FBRSL1: variants seen among roughly 807,000 people sequenced by gnomAD.
The protein encoded by FBRSL1 is fibrosin like 1, also known as fibrosin-1-like protein.
Under a neutral mutation model 89.6 loss-of-function variants are expected in FBRSL1, and 51 were observed. That is an observed-to-expected ratio of 0.57 (90% CI 0.45 to 0.72). The LOEUF (loss-of-function observed/expected upper bound fraction) is 0.72. Among genes scored for constraint, FBRSL1 ranks in the 30% least tolerant of loss-of-function variants. The probability of loss-of-function intolerance (pLI) is 0.00; values close to 1 mark genes in which losing one functional copy is unlikely to be tolerated. For missense variants in FBRSL1, 1,618 were observed against 1,451.8 expected (o/e 1.11, Z -1.86); for synonymous variants, 779 against 681.1 (o/e 1.14, Z -2.24).
rs1426715637 is a variant in FBRSL1, at chr12:132,490,739, G to T, written c.169G>T (p.Ala57Ser). 7.0e-6 allele frequency: 7 copies of T among 1,005,940 alleles called. No homozygotes were observed. Among genetic ancestry groups the T allele is most frequent in the African/African-American group, 3.5e-5 (2 of 56,934 alleles). The allele number at this position is 1,005,940 out of a possible 1,614,324, so 62.3% of individuals were successfully genotyped here. A position where few individuals can be genotyped will look rare whatever the true frequency, so the allele number is the denominator to read the frequency against. The change falls in exon 1 of 19, where the codon GCC becomes TCC. Residue 57 changes from alanine to serine, a missense_variant. Transcript: ENST00000680143. Reference sequence around the variant, plus strand: ...CCTCCGCGGCGCGCCCCCCCGAGGCGCCGCCCCCGCGCCCCGCACCGCGCG... The same window carrying T: ...CCTCCGCGGCGCGCCCCCCCGAGGCTCCGCCCCCGCGCCCCGCACCGCGCG... ...AGLRGAPPRGAAPAPRTARPP... is the reference protein window; with the variant it reads ...AGLRGAPPRGSAPAPRTARPP...
At chr12:132,509,353 G>T (rs566976915) in intron 2 of FBRSL1, 3 of 1,245,878 alleles carry the variant, frequency 2.4e-6, no homozygotes, top group Non-Finnish European at 3.0e-6. Flanking sequence ...GGTCAGCGCA[G>T]CTGGCCCCAG....
chr12:132,522,813 G>A (rs1217657595), intron 2 of FBRSL1, among the ~76,000 whole-genome samples: 1 of 152,248 alleles, frequency 6.6e-6, no homozygotes, highest in Non-Finnish European at 1.5e-5. Flanking sequence ...GGTGCCGTCA[G>A]TGAGCTGTGT....
intron 4 of FBRSL1, among the ~76,000 whole-genome samples, chr12:132,535,493 G>A (rs1310974577): frequency 1.3e-5 from 2 of 152,264 alleles, no homozygotes; most frequent in Non-Finnish European, 1.5e-5. Context: ...GTGCTGGTTG[G>A]GTGTGAAGAG....
At chr12:132,509,392 G>T in intron 2 of FBRSL1, 2 of 1,241,766 alleles carry the variant, frequency 1.6e-6, no homozygotes, top group Non-Finnish European at 2.0e-6. Flanking sequence ...AAACAGCCCT[G>T]CCAGCCCCGG....
chr12:132,568,647 T>C (rs2039799158), intron 6 of FBRSL1, among the ~76,000 whole-genome samples: 1 of 152,242 alleles, frequency 6.6e-6, no homozygotes, highest in Admixed American at 6.5e-5. Flanking sequence ...CCAAGCCTCT[T>C]TCCATCCTGA....
At chr12:132,549,920 G>A (rs775332606) in intron 5 of FBRSL1, among the ~76,000 whole-genome samples, 1 of 152,254 alleles carries the variant, frequency 6.6e-6, no homozygotes, top group Non-Finnish European at 1.5e-5. Flanking sequence ...GTCAGGTGGA[G>A]TCTGCACACT....
At chr12:132,515,256 C>T (rs1286061315) in intron 2 of FBRSL1, among the ~76,000 whole-genome samples, 1 of 152,190 alleles carries the variant, frequency 6.6e-6, no homozygotes, top group Non-Finnish European at 1.5e-5. Flanking sequence ...TTCCCCATTT[C>T]AGTGGGTGAA....
chr12:132,583,415 G>A lies in FBRSL1; in HGVS notation c.2646G>A (p.Glu882=). ...PGSAALLEPP[E]RPYRDREPHG... Reference sequence around the variant, plus strand: ...CCGCCGCCCTCTTGGAGCCCCCGGAGCGCCCCTACCGCGACCGCGAGCCCC... The same window carrying A: ...CCGCCGCCCTCTTGGAGCCCCCGGAACGCCCCTACCGCGACCGCGAGCCCC... The change falls in exon 19 of 19, where the codon GAG becomes GAA. Residue 882 remains glutamate, a synonymous_variant. Transcript: ENST00000680143. The A allele has an allele frequency of 9.3e-7, 1 of 1,077,490 alleles. No individual in the cohort carries two copies. Among genetic ancestry groups the A allele is most frequent in the South Asian group, 2.9e-5 (1 of 34,124 alleles). 66.7% of individuals were successfully genotyped at this position (1,077,490 alleles called of 1,614,324 possible).
At chr12:132,563,364 G>A (rs937996099) in intron 5 of FBRSL1, among the ~76,000 whole-genome samples, 5 of 59,218 alleles carry the variant, frequency 8.4e-5, no homozygotes, top group African/African-American at 1.4e-4. Context: ...CCCCCAGCCC[G>A]TACCCCACGC....
intron 4 of FBRSL1, among the ~76,000 whole-genome samples, chr12:132,545,189 GC>G (rs2037589180): frequency 6.6e-6 from 1 of 152,174 alleles, no homozygotes; most frequent in Non-Finnish European, 1.5e-5. Flanking sequence ...TCCCTTCGGG[GC>G]CTGGGGTCTG....
intron 14 of FBRSL1, among the ~76,000 whole-genome samples, chr12:132,576,429 G>A (rs909495535): frequency 6.6e-6 from 1 of 151,788 alleles, no homozygotes; most frequent in Admixed American, 6.6e-5. Context: ...CTGACCTCAG[G>A]TGATCCGCCC....
rs966382191 is a variant in FBRSL1, at chr12:132,516,921, C to G, written c.489+8571C>G. Among the ~76,000 whole-genome samples, 6 of 152,320 alleles carry G rather than the reference C, an allele frequency of 3.9e-5. No individual in the cohort carries two copies. In the East Asian group the frequency reaches 1.2e-3, roughly 29 times the overall value. ...CGGGTTGTTGAGATGATAAAATGAG[C>G]TAACATGCAAGGTTTGTACTGTCTA... is the stretch of plus-strand genomic sequence containing the variant. On this transcript the variant is annotated intron_variant, in intron 2 of 18. Coordinates refer to ENST00000680143, the MANE Select transcript of FBRSL1 (RefSeq NM_001367871.1).
Position 132,583,528 on chromosome 12 carries a change from C to T in FBRSL1, c.2759C>T (p.Ala920Val). 9.6e-7 allele frequency: 1 copy of T among 1,046,130 alleles called. No homozygotes were observed. The highest frequency in any genetic ancestry group is 1.2e-6 in the Non-Finnish European group (1 of 868,214). 64.8% of individuals were successfully genotyped at this position (1,046,130 alleles called of 1,614,324 possible). A position where few individuals can be genotyped will look rare whatever the true frequency, so the allele number is the denominator to read the frequency against. The change falls in exon 19 of 19, where the codon GCG becomes GTG. Residue 920 changes from alanine (A) to valine (V), a missense_variant. Ala to Val is a moderately conservative substitution (Grantham distance 64). Transcript: ENST00000680143. The part of the protein sequence containing the change: ...LPPAAPALDG[A>V]LLPSLGALHF... The stretch of plus-strand genomic sequence containing the variant: ...CCCGCCGCCCCCGCCTTGGACGGCG[C>T]GCTGCTGCCCTCGCTGGGAGCCCTG...
At position 132,521,709 on chromosome 12, in the gene FBRSL1, T is replaced by G. The variant is rs560465884; in HGVS notation, c.490-4025T>G. On this transcript the variant is annotated intron_variant, in intron 2 of 18. Coordinates refer to ENST00000680143, the MANE Select transcript of FBRSL1 (RefSeq NM_001367871.1). ...GAGACTTCACCAGGGCTGCAGAGTA[T>G]GGCTGTCAGAGTTGTGCACTGCACC... 1.0e-3 allele frequency among the ~76,000 whole-genome samples: 153 copies of G among 152,290 alleles called. 1 individual carries two copies. Among genetic ancestry groups the G allele is most frequent in the Middle Eastern group, 6.8e-3 (2 of 294 alleles).
chr12:132,577,039 C>T, intron 15 of FBRSL1, 108 bp downstream of exon 15: 1 of 1,408,218 alleles, frequency 7.1e-7, no homozygotes, highest in Non-Finnish European at 9.5e-7. Context: ...ACCGCAGCAC[C>T]AGCCTTTGCT....
At chr12:132,556,378 A>G (rs1302753721) in intron 5 of FBRSL1, among the ~76,000 whole-genome samples, 1 of 152,128 alleles carries the variant, frequency 6.6e-6, no homozygotes, top group Non-Finnish European at 1.5e-5. Context: ...TGGCCTACAC[A>G]GGCCGGGCAA....
At position 132,583,167 on chromosome 12, in the gene FBRSL1, G is replaced by T. The variant is rs1450614547; in HGVS notation, c.2398G>T (p.Ala800Ser). The change falls in exon 19 of 19, where the codon GCA becomes TCA. Residue 800 changes from alanine to serine, a missense_variant. Physicochemically the swap from Ala to Ser is moderately conservative, Grantham distance 99. Coordinates refer to ENST00000680143, the MANE Select transcript of FBRSL1 (RefSeq NM_001367871.1). ...KEEAAKMPAR[A>S]SPPHSKAAPG... ...GGAGGCCGCCAAGATGCCCGCGCGC[G>T]CATCCCCGCCCCACAGCAAGGCGGC... The T allele has an allele frequency of 6.9e-7, 1 of 1,459,512 alleles. No homozygotes were observed. The highest frequency in any genetic ancestry group is 1.3e-5 in the South Asian group (1 of 78,208). 90.4% of individuals were successfully genotyped at this position (1,459,512 alleles called of 1,614,324 possible).
At chr12:132,514,556 C>G (rs2034659282) in intron 2 of FBRSL1, among the ~76,000 whole-genome samples, 1 of 152,190 alleles carries the variant, frequency 6.6e-6, no homozygotes, top group Non-Finnish European at 1.5e-5. Context: ...CCATGCTGAG[C>G]CACAGGCCCG....
chr12:132,513,026 C>T (rs575370770), intron 2 of FBRSL1, among the ~76,000 whole-genome samples: 2 of 152,346 alleles, frequency 1.3e-5, no homozygotes, highest in South Asian at 2.1e-4. Flanking sequence ...CTGGGGCCCG[C>T]GCCCTGGTGG....
Sources: allele counts gnomAD v4.1 joint callset (sites outside exome capture counted in the v4.1 genomes callset), GRCh38; gene constraint gnomAD v4.1.1; transcripts MANE v1.5; gene names NCBI Gene and HGNC (gene_info 2026-07-23, HGNC 2026-07-21).